The following ARMH3 variants were observed in gnomAD, a reference collection of about 807,000 sequenced individuals.
ARMH3 encodes armadillo-like helical domain-containing protein 3.
ARMH3 carries 60 observed loss-of-function variants against 99.1 expected under a neutral mutation model. The observed-to-expected ratio is 0.61, with a 90% CI of 0.49 to 0.75. The LOEUF (loss-of-function observed/expected upper bound fraction) is 0.75, where lower values mean the gene tolerates loss of function less well. ARMH3 is among the 30% of genes least tolerant of loss of function. ARMH3 has a pLI of 0.00. For missense variants in ARMH3, 679 were observed against 843.1 expected, an observed-to-expected ratio of 0.81 and a Z score of 2.41; for synonymous variants, 285 against 292.8, an observed-to-expected ratio of 0.97 and a Z score of 0.27.
chr10:101,877,672 T>G (rs1338233198), intron 24 of ARMH3, among the ~76,000 whole-genome samples: 1 of 151,880 alleles, frequency 6.6e-6, no homozygotes, highest in Non-Finnish European at 1.5e-5. Flanking sequence ...AAAAAAAAAT[T>G]TTTTTAAAGC....
At chr10:102,007,210 T>C (rs1007635754) in intron 13 of ARMH3, among the ~76,000 whole-genome samples, 5 of 144,802 alleles carry the variant, frequency 3.5e-5, no homozygotes, top group African/African-American at 1.3e-4. Flanking sequence ...ACTACTTCTG[T>C]ATTTCGTTCT....
At chr10:101,922,979 AC>A (rs1458433353) in intron 23 of ARMH3, among the ~76,000 whole-genome samples, 1 of 152,194 alleles carries the variant, frequency 6.6e-6, no homozygotes, top group Admixed American at 6.5e-5. Flanking sequence ...ATGCATTAGT[AC>A]ACTCCATGTT....
intron 20 of ARMH3, among the ~76,000 whole-genome samples, chr10:101,959,649 C>G (rs1446181814): frequency 2.6e-5 from 4 of 152,150 alleles, no homozygotes; most frequent in Admixed American, 2.0e-4. Context: ...CTCTGGGATT[C>G]AGAATCCAGG....
At chr10:102,015,194 A>T (rs1038736550) in intron 8 of ARMH3, among the ~76,000 whole-genome samples, 1 of 152,254 alleles carries the variant, frequency 6.6e-6, no homozygotes, top group Non-Finnish European at 1.5e-5. Context: ...TATAACCAAC[A>T]GTCAAATTCT....
At chr10:101,960,380 C>T (rs995058817) in intron 20 of ARMH3, among the ~76,000 whole-genome samples, 2 of 152,144 alleles carry the variant, frequency 1.3e-5, no homozygotes, top group African/African-American at 2.4e-5. Context: ...CAGATTCTAG[C>T]CTCTGACCTG....
intron 20 of ARMH3, among the ~76,000 whole-genome samples, chr10:101,963,276 G>T (rs1396842392): frequency 6.6e-6 from 1 of 151,774 alleles, no homozygotes; most frequent in Non-Finnish European, 1.5e-5. Context: ...CTGAGTAGCT[G>T]GGACTACAGG....
chr10:101,966,464 A>C (rs142146849), intron 20 of ARMH3, among the ~76,000 whole-genome samples: 9,982 of 151,386 alleles, frequency 0.066, 350 homozygotes, highest in African/African-American at 0.073. Context: ...TTTAGTAGAG[A>C]CAGGGCTCCA....
At chr10:101,966,784 G>C (rs189910687) in intron 20 of ARMH3, among the ~76,000 whole-genome samples, 135 of 152,226 alleles carry the variant, frequency 8.9e-4, no homozygotes, top group Non-Finnish European at 4.7e-4. Context: ...AATGAATAAT[G>C]GATATGAGAA....
intron 5 of ARMH3, among the ~76,000 whole-genome samples, chr10:102,028,905 T>G (rs1363056970): frequency 6.6e-6 from 1 of 152,240 alleles, no homozygotes; most frequent in Admixed American, 6.5e-5. Context: ...AGGGTCTTGC[T>G]CTGTTGCCCA....
intron 22 of ARMH3, among the ~76,000 whole-genome samples, chr10:101,941,738 G>A (rs1474198031): frequency 6.6e-6 from 1 of 152,136 alleles, no homozygotes; most frequent in Non-Finnish European, 1.5e-5. Context: ...CTAAACTCAG[G>A]TTTCACTGAG....
chr10:101,852,812 T>C (rs773083255), intron 24 of ARMH3, among the ~76,000 whole-genome samples: 13 of 151,010 alleles, frequency 8.6e-5, no homozygotes, highest in South Asian at 2.1e-4. Context: ...GCTGGACTTA[T>C]AGTGCCCATG....
At chr10:102,007,816 G>C (rs1279648486) in intron 13 of ARMH3, among the ~76,000 whole-genome samples, 1 of 135,666 alleles carries the variant, frequency 7.4e-6, no homozygotes. Flanking sequence ...CTGGGTGACA[G>C]AGCGAGACAC....
At chr10:102,054,280 T>C (rs2067783643) in intron 1 of ARMH3, among the ~76,000 whole-genome samples, 1 of 150,876 alleles carries the variant, frequency 6.6e-6, no homozygotes, top group Non-Finnish European at 1.5e-5. Flanking sequence ...TCACAGCTAC[T>C]CAGAAGGCTA....
intron 8 of ARMH3, among the ~76,000 whole-genome samples, chr10:102,020,515 C>T (rs2136151600): frequency 6.6e-6 from 1 of 152,092 alleles, no homozygotes; most frequent in Admixed American, 6.6e-5. Flanking sequence ...GAAACCCCGT[C>T]TCTACTAAAA....
At chr10:101,868,088 A>C (rs1564702900) in intron 24 of ARMH3, among the ~76,000 whole-genome samples, 1 of 152,226 alleles carries the variant, frequency 6.6e-6, no homozygotes, top group Non-Finnish European at 1.5e-5. Context: ...CACAGGATTT[A>C]CTACAGAGTC....
In ARMH3 at chr10:101,890,227, C is replaced by T. The variant is rs527735312; in HGVS notation, c.1782-737G>A. ...TAGAGAGAGACAAATCTCTTTTTTT[C>T]ATATATATATATATATTTATTTATA... On this transcript the variant is annotated intron_variant, in intron 23 of 25. Transcript: ENST00000370033. Among the ~76,000 whole-genome samples, 18 of 148,034 alleles carry T rather than the reference C, an allele frequency of 1.2e-4. No individual in the cohort carries two copies. In the South Asian group the frequency reaches 3.8e-3, roughly 31 times the overall value.
intron 19 of ARMH3, among the ~76,000 whole-genome samples, chr10:101,987,594 C>T (rs543875487): frequency 6.0e-4 from 91 of 152,282 alleles, no homozygotes; most frequent in African/African-American, 2.1e-3. Context: ...TTCCACATTG[C>T]AACAGGGTTG....
At chr10:101,901,871 T>C (rs1339219785) in intron 23 of ARMH3, among the ~76,000 whole-genome samples, 1 of 152,236 alleles carries the variant, frequency 6.6e-6, no homozygotes, top group African/African-American at 2.4e-5. Context: ...CTAAGTGAAG[T>C]TGATAGTCTC....
chr10:101,924,099 T>C (rs1394246088), intron 23 of ARMH3, among the ~76,000 whole-genome samples: 1 of 152,160 alleles, frequency 6.6e-6, no homozygotes, highest in Non-Finnish European at 1.5e-5. Context: ...AATGTGCTGA[T>C]GATACAAAGC....
Sources: allele counts gnomAD v4.1 joint callset (sites outside exome capture counted in the v4.1 genomes callset), GRCh38; gene constraint gnomAD v4.1.1; transcripts MANE v1.5; gene names NCBI Gene and HGNC (gene_info 2026-07-23, HGNC 2026-07-21).